Variants in TSGA10 observed in about 807,000 individuals in gnomAD.
TSGA10 encodes testis-specific gene 10 protein.
TSGA10 carries 43 observed loss-of-function variants against 96.6 expected under a neutral mutation model. The ratio of observed to expected loss-of-function variants is 0.44; its 90% CI spans 0.35 to 0.57. The LOEUF is 0.57. Among genes scored for constraint, TSGA10 ranks in the 20% least tolerant of loss-of-function variants. TSGA10 has a pLI of 0.01. For synonymous variants in TSGA10, 229 were observed against 269.9 expected (o/e 0.85, Z 1.48); for missense variants, 703 against 834.4 (o/e 0.84, Z 1.94).
Position 99,108,987 on chromosome 2 carries a change from G to T in TSGA10, c.56C>A (p.Ala19Glu). 3 of 1,561,090 alleles carry T rather than the reference G, an allele frequency of 1.9e-6. No homozygotes were observed. The highest frequency in any genetic ancestry group is 1.7e-6 in the Non-Finnish European group (2 of 1,161,372). The change falls in exon 7 of 21, where the codon GCA becomes GAA. Residue 19 changes from alanine to glutamate, a missense_variant. Ala to Glu is a moderately radical substitution (Grantham distance 107). This residue lies in a region of TSGA10 where 585 missense variants were observed against 656.8 expected (regional missense o/e 0.89). Transcript: ENST00000393483. ...PRRPSPTARG[A>E]NCDVELLKTT... ...CTTCAAAAGTTCTACATCACAGTTT[G>T]CACCCTATAATTATATAAGGAATTT... is the stretch of plus-strand genomic sequence containing the variant.
In TSGA10 at chr2:99,149,744, T is replaced by A. The variant is rs1363273948; in HGVS notation, c.-621+4949A>T. Among the ~76,000 whole-genome samples the A allele has an allele frequency of 2.7e-5, 4 of 148,410 alleles. No homozygotes were observed. In the East Asian group the frequency reaches 8.0e-4, roughly 30 times the overall value. Reference sequence around the variant, plus strand: ...GGTGTGAGCCACTGCGCTCGGCCGATCATCTCTTTTTACAGACTAGACATC... The same window carrying A: ...GGTGTGAGCCACTGCGCTCGGCCGAACATCTCTTTTTACAGACTAGACATC... On this transcript the variant is annotated intron_variant, in intron 1 of 20. Transcript: ENST00000393483.
chr2:99,118,975 T>G (rs2092431776), intron 2 of TSGA10, among the ~76,000 whole-genome samples: 1 of 152,010 alleles, frequency 6.6e-6, no homozygotes, highest in African/African-American at 2.4e-5. Flanking sequence ...AAAGATGCAT[T>G]AAAAACAACA....
At chr2:99,128,363 C>T (rs970154648) in intron 1 of TSGA10, among the ~76,000 whole-genome samples, 6 of 152,226 alleles carry the variant, frequency 3.9e-5, no homozygotes, top group Non-Finnish European at 8.8e-5. Flanking sequence ...AGGGGCTGGA[C>T]TGAACTCCTA....
At position 99,017,205 on chromosome 2, in the gene TSGA10, G is replaced by A. The variant is rs185284945; in HGVS notation, c.2072+995C>T. On this transcript the variant is annotated intron_variant, in intron 20 of 20. Transcript: ENST00000393483. ...TTATATGAAAAAGATACTTGCACAC[G>A]CATGTTTGTAGCAGCATAATTTGCA... Among the ~76,000 whole-genome samples, 817 of 152,234 alleles carry A rather than the reference G, an allele frequency of 5.4e-3. 9 individuals are homozygous for A. Among genetic ancestry groups the A allele is most frequent in the African/African-American group, 0.017 (724 of 41,544 alleles).
At chr2:99,120,929 C>T (rs569731138) in intron 2 of TSGA10, among the ~76,000 whole-genome samples, 5 of 152,266 alleles carry the variant, frequency 3.3e-5, no homozygotes, top group Admixed American at 2.6e-4. Flanking sequence ...AGCATGTGAT[C>T]TTTTGAGATT....
intron 20 of TSGA10, among the ~76,000 whole-genome samples, chr2:99,007,587 A>T (rs1210818484): frequency 6.6e-6 from 1 of 152,184 alleles, no homozygotes; most frequent in Non-Finnish European, 1.5e-5. Flanking sequence ...AACAAATAAA[A>T]CAGCAAACCA....
intron 1 of TSGA10, among the ~76,000 whole-genome samples, chr2:99,132,930 C>A (rs182412834): frequency 6.6e-6 from 1 of 152,178 alleles, no homozygotes; most frequent in Non-Finnish European, 1.5e-5. Context: ...ATCCTGAGTT[C>A]TAATTTGATT....
chr2:99,108,846 A>G lies in TSGA10; in HGVS notation c.197T>C (p.Leu66Pro). Reference sequence around the variant, plus strand: ...TTGTAAGTTTACCTGTTCATAAAGAAGGAAGATCTTGTCTCTCTCAGATTT... The same window carrying G: ...TTGTAAGTTTACCTGTTCATAAAGAGGGAAGATCTTGTCTCTCTCAGATTT... ...VLKSERDKIFLLYEQAQEEIT... is the reference protein window; with the variant it reads ...VLKSERDKIFPLYEQAQEEIT... Residue 66 changes from leucine to proline, a missense_variant, in exon 7 of 21, where the codon CTT becomes CCT. Physicochemically the swap from Leu to Pro is moderately conservative, Grantham distance 98. Around this residue, in one of 3 missense-constraint regions of TSGA10, gnomAD observed 585 missense variants for 656.8 expected, o/e 0.89. Coordinates refer to ENST00000393483, the MANE Select transcript of TSGA10 (RefSeq NM_025244.4). 1 of 1,572,264 alleles carries G rather than the reference A, an allele frequency of 6.4e-7. No homozygotes were observed.
At chr2:99,007,898 C>A (rs2078648385) in intron 20 of TSGA10, among the ~76,000 whole-genome samples, 1 of 152,098 alleles carries the variant, frequency 6.6e-6, no homozygotes, top group Non-Finnish European at 1.5e-5. Flanking sequence ...TGTGGGACTG[C>A]ACATGAATAG....
chr2:99,101,947 C>T, intron 10 of TSGA10: 1 of 730,008 alleles, frequency 1.4e-6, no homozygotes. Context: ...ACACGAAAAA[C>T]TCTAGAGATC....
At chr2:99,132,050 C>T (rs548252750) in intron 1 of TSGA10, among the ~76,000 whole-genome samples, 34 of 152,150 alleles carry the variant, frequency 2.2e-4, no homozygotes, top group East Asian at 9.7e-4. Context: ...ATTTTCACAT[C>T]GATGTTCATC....
At chr2:99,013,276 T>C (rs1444812365) in intron 20 of TSGA10, among the ~76,000 whole-genome samples, 1 of 152,172 alleles carries the variant, frequency 6.6e-6, no homozygotes, top group African/African-American at 2.4e-5. Flanking sequence ...TTGATTTCAC[T>C]GTTGACCCAA....
In TSGA10 at chr2:99,073,007, G is replaced by A. The variant is rs1394525928; in HGVS notation, c.938+11C>T. 21 of 1,600,826 alleles carry A rather than the reference G, an allele frequency of 1.3e-5. No individual in the cohort carries two copies. Among genetic ancestry groups the A allele is most frequent in the Non-Finnish European group, 1.6e-5 (19 of 1,170,752 alleles). On this transcript the variant is annotated intron_variant, in intron 13 of 20. Coordinates refer to ENST00000393483, the MANE Select transcript of TSGA10 (RefSeq NM_025244.4). ...GTAAGAGCTCATATATTTGTTGCAC[G>A]ACTGATTTACCTTGATGCCTGTTCC...
At chr2:99,078,974 G>C (rs1272556472) in intron 11 of TSGA10, 161 bp from the exon 12 acceptor site, 1 of 504,772 alleles carries the variant, frequency 2.0e-6, no homozygotes, top group Non-Finnish European at 3.3e-6. Flanking sequence ...AATTTTTTTG[G>C]TTAAAAACTA....
chr2:99,095,960 G>C (rs998397309), intron 10 of TSGA10, among the ~76,000 whole-genome samples: 1 of 152,148 alleles, frequency 6.6e-6, no homozygotes, highest in Non-Finnish European at 1.5e-5. Flanking sequence ...TATTGTATCA[G>C]TACGTATGTA....
intron 16 of TSGA10, among the ~76,000 whole-genome samples, chr2:99,051,769 T>C (rs2083417088): frequency 6.6e-6 from 1 of 151,310 alleles, no homozygotes; most frequent in Admixed American, 6.6e-5. Flanking sequence ...GCTGTAAAAA[T>C]ATAAAGTATG....
chr2:99,134,180 C>G (rs1482580650), intron 1 of TSGA10, among the ~76,000 whole-genome samples: 1 of 152,098 alleles, frequency 6.6e-6, no homozygotes, highest in East Asian at 1.9e-4. Flanking sequence ...GAGGATATTT[C>G]CAACTTGGTT....
chr2:99,153,400 G>C (rs2093712390), intron 1 of TSGA10, among the ~76,000 whole-genome samples: 1 of 152,268 alleles, frequency 6.6e-6, no homozygotes, highest in Middle Eastern at 3.4e-3. Context: ...AGAGAAATGA[G>C]GTCACTGGAG....
At chr2:99,125,761 T>A (rs1025082897) in intron 2 of TSGA10, 1 of 152,178 alleles carries the variant, frequency 6.6e-6, no homozygotes, top group South Asian at 2.1e-4. Context: ...AAGGGTGGTG[T>A]TCCTAGATAC....
Sources: allele counts gnomAD v4.1 joint callset (sites outside exome capture counted in the v4.1 genomes callset), GRCh38; gene constraint gnomAD v4.1.1; regional missense constraint gnomAD v4.1.1; transcripts MANE v1.5; gene names NCBI Gene and HGNC (gene_info 2026-07-23, HGNC 2026-07-21).